Variants in FGFR4 observed in about 807,000 individuals in gnomAD.
The protein encoded by FGFR4 is hydroxyaryl-protein kinase.
Under a neutral mutation model 89.9 loss-of-function variants are expected in FGFR4, and 63 were observed. The ratio of observed to expected loss-of-function variants is 0.70; its 90% confidence interval spans 0.57 to 0.86. The LOEUF (loss-of-function observed/expected upper bound fraction) is 0.86, where lower values mean the gene tolerates loss of function less well. Among genes scored for constraint, FGFR4 ranks in the 40% least tolerant of loss-of-function variants. The probability of loss-of-function intolerance (pLI) is 0.00; values close to 1 mark genes in which losing one functional copy is unlikely to be tolerated. For synonymous variants in FGFR4, 486 were observed against 479.4 expected, an observed-to-expected ratio of 1.01 and a Z score of -0.18; for missense variants, 928 against 1,106.7, an observed-to-expected ratio of 0.84 and a Z score of 2.29.
Position 177,097,743 on chromosome 5 carries a change from G to C in FGFR4, c.*67G>C, listed in dbSNP as rs1011620429. The C allele has an allele frequency of 6.4e-7, 1 of 1,566,444 alleles. No homozygotes were observed. The highest frequency in any genetic ancestry group is 8.6e-7 in the Non-Finnish European group (1 of 1,156,138). On this transcript the variant is annotated 3_prime_UTR_variant, in exon 18 of 18. Transcript: ENST00000292408. Reference sequence around the variant, plus strand: ...GGGCCTTGGGGCTCAGCCACAGCCTGACACAGTGCTCGACCTTGATAGCAT... The same window carrying C: ...GGGCCTTGGGGCTCAGCCACAGCCTCACACAGTGCTCGACCTTGATAGCAT...
In FGFR4 at chr5:177,092,783, A is replaced by T. The variant is rs56013522; in HGVS notation, c.1056A>T (p.Pro352=). Residue 352 remains proline (P), a splice_region_variant and synonymous_variant, in exon 8 of 18, where the codon CCA becomes CCT. Coordinates refer to ENST00000292408, the MANE Select transcript of FGFR4 (RefSeq NM_213647.3). ...AGTCTGCCTGGCTCACGGTGCTGCC[A>T]GGTGAGCACCTGAAGGGCCAGGAGA... ...SYQSAWLTVL[P]EEDPTWTAAA... 46 of 1,614,236 alleles carry T rather than the reference A, an allele frequency of 2.8e-5. No homozygotes were observed. The East Asian group carries it at 1.0e-3, about 35-fold the overall frequency.
chr5:177,091,609 A>C, intron 5 of FGFR4, 76 bp from the exon 6 acceptor site: 1 of 1,577,518 alleles, frequency 6.3e-7, no homozygotes, highest in South Asian at 1.2e-5. Flanking sequence ...GGGCAGGATG[A>C]GGATCTAGCC....
chr5:177,093,254 GGGCAGGCGCTCCAC>G lies in FGFR4; in HGVS notation c.1178_1191del (p.Gln393ProfsTer98), dbSNP rs1457408963. On this transcript the variant is annotated frameshift_variant, in exon 9 of 18. Coordinates refer to ENST00000292408, the MANE Select transcript of FGFR4 (RefSeq NM_213647.3). LOFTEE classifies it high-confidence loss of function. This position sits in a 1 kb window ranked among gnomAD's most constrained non-coding sequence, Gnocchi z 5.8. The stretch of plus-strand genomic sequence containing the variant: ...CCTGCTGCTGGCCGGGCTGTATCGA[GGGCAGGCGCTCCAC>G]GGCCGGCACCCCCGCCCGCCCGCCA... 1 of 1,613,028 alleles carries G rather than the reference GGGCAGGCGCTCCAC, an allele frequency of 6.2e-7. No homozygotes were observed. Among genetic ancestry groups the G allele is most frequent in the Admixed American group, 1.7e-5 (1 of 59,958 alleles).
intron 2 of FGFR4, 96 bp downstream of exon 2, chr5:177,089,789 C>G (rs1403994700): frequency 6.7e-7 from 1 of 1,502,024 alleles, no homozygotes; most frequent in Non-Finnish European, 9.1e-7. Flanking sequence ...GGATCCTTGC[C>G]CAGGCCCTGA....
chr5:177,091,886 GCAGGCAGGATGGACTCAGATGAGT>G, intron 6 of FGFR4, 78 bp downstream of exon 6: 2 of 1,576,426 alleles, frequency 1.3e-6, no homozygotes, highest in Non-Finnish European at 1.7e-6. Flanking sequence ...GTCTAGTCTG[GCAGGCAGGATGGACTCAGATGAGT>G]CAGGCAGCTT....
rs751559073 is a variant in FGFR4 at position 177,095,651 on chromosome 5, G to A, written c.1749G>A (p.Pro583=). 1.8e-5 allele frequency: 29 copies of A among 1,607,482 alleles called. No homozygotes were observed. Among genetic ancestry groups the A allele is most frequent in the Middle Eastern group, 4.5e-4 (2 of 4,482 alleles). Residue 583 remains proline (P), a synonymous_variant, in exon 13 of 18, where the codon CCG becomes CCA. Coordinates refer to ENST00000292408, the MANE Select transcript of FGFR4 (RefSeq NM_213647.3). The surrounding 1 kb of genome is among the most constrained non-coding windows in gnomAD (Gnocchi z 5.7). ...SPDGPRSSEG[P]LSFPVLVSCA... is the part of the protein sequence containing the mutation. ...ACGGTCCTCGGAGCAGTGAGGGGCCGCTCTCCTTCCCAGTCCTGGTCTCCT... is the reference window on the plus strand; with the variant it reads ...ACGGTCCTCGGAGCAGTGAGGGGCCACTCTCCTTCCCAGTCCTGGTCTCCT...
At position 177,093,858 on chromosome 5, in the gene FGFR4, G is replaced by C; in HGVS notation, c.1519+83G>C. On this transcript the variant is annotated intron_variant, in intron 11 of 17. Coordinates refer to ENST00000292408, the MANE Select transcript of FGFR4 (RefSeq NM_213647.3). This position sits in a 1 kb window ranked among gnomAD's most constrained non-coding sequence, Gnocchi z 5.8. ...AGGGTGGGAGGATCGCTTGAATCCA[G>C]GAATTCGAGGCCAGCCTGGGCAACA... 2 of 1,472,722 alleles carry C rather than the reference G, an allele frequency of 1.4e-6. No individual in the cohort carries two copies. Among genetic ancestry groups the C allele is most frequent in the Non-Finnish European group, 1.8e-6 (2 of 1,091,180 alleles). 91.2% of individuals were successfully genotyped at this position (1,472,722 alleles called of 1,614,324 possible). A position where few individuals can be genotyped will look rare whatever the true frequency, so the allele number is the denominator to read the frequency against.
At position 177,095,561 on chromosome 5, in the gene FGFR4, C is replaced by T. The variant is rs351854; in HGVS notation, c.1659C>T (p.Ala553=). The change falls in exon 13 of 18, where the codon GCC becomes GCT. Residue 553 remains alanine, a synonymous_variant. Coordinates refer to ENST00000292408, the MANE Select transcript of FGFR4 (RefSeq NM_213647.3). The surrounding 1 kb of genome is among the most constrained non-coding windows in gnomAD (Gnocchi z 5.7). Reference sequence around the variant, plus strand: ...CCCTGTACGTGATCGTGGAGTGCGCCGCCAAGGGAAACCTGCGGGAGTTCC... The same window carrying T: ...CCCTGTACGTGATCGTGGAGTGCGCTGCCAAGGGAAACCTGCGGGAGTTCC... ...EGPLYVIVEC[A]AKGNLREFLR... is the part of the protein sequence containing the mutation. 0.023 allele frequency: 36,497 copies of T among 1,609,688 alleles called. 1,594 individuals carry two copies. The highest frequency in any genetic ancestry group is 0.15 in the African/African-American group (11,524 of 74,870).
chr5:177,096,917 T>TCCTCCTCCTCCTCCTCCTCCTCCTCC (rs1784599053), intron 16 of FGFR4, among the ~76,000 whole-genome samples, 176 bp downstream of exon 16: 1 of 18,394 alleles, frequency 5.4e-5, no homozygotes, highest in Admixed American at 6.5e-4. Context: ...CCTCCTCCTC[T>TCCTCCTCCTCCTCCTCCTCCTCCTCC]TCCTCCTCCT....
chr5:177,091,641 G>A (rs1227870800), intron 5 of FGFR4, 44 bp from the exon 6 acceptor site: 2 of 1,608,872 alleles, frequency 1.2e-6, no homozygotes, highest in Non-Finnish European at 1.7e-6. Context: ...TGGCCCCCTT[G>A]GTGGACATGG....
In FGFR4 at chr5:177,092,490, C is replaced by T. The variant is rs548350307; in HGVS notation, c.897C>T (p.Phe299=). ...GCAGCAGCTTCGGAGCCGACGGTTT[C>T]CCCTATGTGCAAGTCCTAAAGGTAA... The part of the protein sequence containing the change: ...INGSSFGADG[F]PYVQVLKTAD... Residue 299 remains phenylalanine (F), a synonymous_variant, in exon 7 of 18, where the codon TTC becomes TTT. Transcript: ENST00000292408. 3.0e-5 allele frequency: 48 copies of T among 1,589,706 alleles called. No homozygotes were observed. The Admixed American group carries it at 3.2e-4, about 11-fold the overall frequency.
rs145143718 is a variant in FGFR4, at chr5:177,097,306, G to A, written c.2168G>A (p.Arg723His). 1.4e-4 allele frequency: 217 copies of A among 1,606,850 alleles called. No homozygotes were observed. In the African/African-American group the frequency reaches 2.0e-3, roughly 15 times the overall value. Residue 723 changes from arginine (R) to histidine (H), a missense_variant, in exon 17 of 18, where the codon CGT becomes CAT. This residue lies in a region of FGFR4 where 129 missense variants were observed against 150.8 expected (regional missense o/e 0.86). Coordinates refer to ENST00000292408, the MANE Select transcript of FGFR4 (RefSeq NM_213647.3). The stretch of plus-strand genomic sequence containing the variant: ...ACCTCTCGCAGGTACGGGCTGATGC[G>A]TGAGTGCTGGCACGCAGCGCCCTCC... ...HCPPELYGLMRECWHAAPSQR... is the reference protein window; with the variant it reads ...HCPPELYGLMHECWHAAPSQR...
At chr5:177,096,254 G>A in intron 14 of FGFR4, 33 bp from the exon 15 acceptor site, 1 of 1,613,904 alleles carries the variant, frequency 6.2e-7, no homozygotes, top group Non-Finnish European at 8.5e-7. Flanking sequence ...AGGACCTGTG[G>A]GACTCTGCAC....
chr5:177,091,656 G>A (rs772795327), intron 5 of FGFR4, 29 bp from the exon 6 acceptor site: 56 of 1,612,682 alleles, frequency 3.5e-5, no homozygotes, highest in Non-Finnish European at 4.6e-5. Flanking sequence ...ACATGGTCCG[G>A]TGGTCCCGGA....
Position 177,090,422 on chromosome 5 carries a change from G to C in FGFR4, c.124G>C (p.Glu42Gln). The C allele has an allele frequency of 1.2e-6, 2 of 1,604,762 alleles. No individual in the cohort carries two copies. The highest frequency in any genetic ancestry group is 1.7e-6 in the Non-Finnish European group (2 of 1,179,822). Residue 42 changes from glutamate (E) to glutamine (Q), a missense_variant, in exon 3 of 18, where the codon GAG becomes CAG. By Grantham distance (29) the Glu-to-Gln change is conservative (BLOSUM62 2). Transcript: ENST00000292408. ...PCLAPSLEQQ[E>Q]QELTVALGQP... Reference sequence around the variant, plus strand: ...CCTGGCTCCCAGCCTGGAGCAGCAAGAGCAGGAGCTGACAGTAGCCCTTGG... The same window carrying C: ...CCTGGCTCCCAGCCTGGAGCAGCAACAGCAGGAGCTGACAGTAGCCCTTGG...
chr5:177,089,749 G>A, intron 2 of FGFR4, 56 bp downstream of exon 2: 1 of 1,586,868 alleles, frequency 6.3e-7, no homozygotes. Flanking sequence ...GGCACCAGGA[G>A]GGGGCTGCTG....
In FGFR4 at chr5:177,095,517, TC is replaced by T; in HGVS notation, c.1631-14del. 1 of 1,611,992 alleles carries T rather than the reference TC, an allele frequency of 6.2e-7. No individual in the cohort carries two copies. Among genetic ancestry groups the T allele is most frequent in the South Asian group, 1.1e-5 (1 of 90,942 alleles). ...GCTTTGGCAGCCTCTCCACGCTCCC[TC>T]CACTCCCTCTGCAGGGCCCCTGTAC... On this transcript the variant is annotated splice_polypyrimidine_tract_variant and intron_variant, in intron 12 of 17. Transcript: ENST00000292408. This position sits in a 1 kb window ranked among gnomAD's most constrained non-coding sequence, Gnocchi z 5.7.
At chr5:177,091,595 C>T (rs1784367592) in intron 5 of FGFR4, 90 bp from the exon 6 acceptor site, 6 of 1,547,636 alleles carry the variant, frequency 3.9e-6, no homozygotes, top group South Asian at 3.6e-5. Flanking sequence ...GACAAGAGCC[C>T]TGTGGGCAGG....
Position 177,090,985 on chromosome 5 carries a change from G to A in FGFR4, c.484G>A (p.Val162Ile), listed in dbSNP as rs1784347589. The change falls in exon 5 of 18, where the codon GTA becomes ATA. Residue 162 changes from valine to isoleucine, a missense_variant. By Grantham distance (29) the Val-to-Ile change is conservative. Transcript: ENST00000292408. ...GCGCATGGAGAAGAAACTGCATGCA[G>A]TACCTGCGGGGAACACCGTCAAGTT... The part of the protein sequence containing the change: ...PQRMEKKLHA[V>I]PAGNTVKFRC... 6.2e-7 allele frequency: 1 copy of A among 1,614,072 alleles called. No homozygotes were observed. The highest frequency in any genetic ancestry group is 8.5e-7 in the Non-Finnish European group (1 of 1,179,922).
Sources: gnomAD v4.1 joint callset for allele counts (sites outside exome capture counted in the v4.1 genomes callset) on GRCh38, gnomAD v4.1.1 for gene constraint, gnomAD v4.1.1 regional missense constraint, Gnocchi (gnomAD v3.1) non-coding constraint, MANE v1.5 for transcripts, NCBI Gene and HGNC (gene_info 2026-07-23, HGNC 2026-07-21) for gene names.